The following SNX29 variants were observed in gnomAD, a reference collection of about 807,000 sequenced individuals.
SNX29 encodes sorting nexin 29, also known as sorting nexin-29.
Under a neutral mutation model 102.1 loss-of-function variants are expected in SNX29, and 78 were observed. That is an observed-to-expected ratio of 0.76 (90% CI 0.64 to 0.92). The LOEUF (loss-of-function observed/expected upper bound fraction) is 0.92. Among genes scored for constraint, SNX29 ranks in the 40% least tolerant of loss-of-function variants. The pLI, the probability that SNX29 is intolerant of heterozygous loss-of-function variation, is 0.00. For synonymous variants in SNX29, 580 were observed against 414.5 expected, an observed-to-expected ratio of 1.40 and a Z score of -4.85; for missense variants, 1,280 against 1,061.7, an observed-to-expected ratio of 1.21 and a Z score of -2.86.
At chr16:12,124,633 A>G (rs1475507542) in intron 11 of SNX29, among the ~76,000 whole-genome samples, 1 of 152,218 alleles carries the variant, frequency 6.6e-6, no homozygotes, top group East Asian at 1.9e-4. Flanking sequence ...ATTTCAGTAC[A>G]TTACAGGAGC....
At chr16:12,052,326 C>G in intron 8 of SNX29, 104 bp downstream of exon 8, 3 of 1,298,444 alleles carry the variant, frequency 2.3e-6, no homozygotes, top group Non-Finnish European at 3.2e-6. Flanking sequence ...AAGCTATTCT[C>G]CTGCCTCAGC....
chr16:12,091,342 C>T (rs1209926691), intron 11 of SNX29, among the ~76,000 whole-genome samples: 1 of 152,070 alleles, frequency 6.6e-6, no homozygotes, highest in Non-Finnish European at 1.5e-5. Flanking sequence ...TCAGGATGTC[C>T]CCTTTGCTAT....
At chr16:12,458,440 T>A (rs3862467) in intron 18 of SNX29, among the ~76,000 whole-genome samples, 2 of 152,202 alleles carry the variant, frequency 1.3e-5, no homozygotes, top group African/African-American at 4.8e-5. Context: ...TGAGTGGTCT[T>A]GCTTCTGTGG....
chr16:12,399,114 G>A (rs547640638), intron 17 of SNX29, among the ~76,000 whole-genome samples: 40 of 152,212 alleles, frequency 2.6e-4, no homozygotes, highest in Non-Finnish European at 5.0e-4. Context: ...GCAGTGGCAC[G>A]ATCTCGGCTC....
rs377262863 is a variant in SNX29, at chr16:12,458,282, A to G, written c.2038-19437A>G. On this transcript the variant is annotated intron_variant, in intron 18 of 20. Transcript: ENST00000566228. ...AGCTGACCACCATCTGCTTGGCATTATTTAAAACCTCTTAAATGCATTTCG... is the reference window on the plus strand; with the variant it reads ...AGCTGACCACCATCTGCTTGGCATTGTTTAAAACCTCTTAAATGCATTTCG... 1.5e-4 allele frequency among the ~76,000 whole-genome samples: 23 copies of G among 152,190 alleles called. No individual in the cohort carries two copies. The East Asian group carries it at 3.9e-3, about 26-fold the overall frequency.
rs1374617413 is a variant in SNX29 at position 12,425,548 on chromosome 16, AAAAAAT to A, written c.2037+22025_2037+22030del. 1.6e-3 allele frequency among the ~76,000 whole-genome samples: 244 copies of A among 149,098 alleles called. 18 individuals carry two copies. Among genetic ancestry groups the A allele is most frequent in the South Asian group, 4.6e-3 (22 of 4,790 alleles). On this transcript the variant is annotated intron_variant, in intron 18 of 20. Coordinates refer to ENST00000566228, the MANE Select transcript of SNX29 (RefSeq NM_032167.5). ...CAGAGTTAAAAAAAAAAAAAAATAA[AAAAAAT>A]AAAAAGAGGGAATAGAAAACAGAGG... is the stretch of plus-strand genomic sequence containing the variant.
intron 20 of SNX29, among the ~76,000 whole-genome samples, chr16:12,532,817 C>G (rs920843596): frequency 5.8e-4 from 88 of 152,220 alleles, no homozygotes; most frequent in African/African-American, 2.0e-3. Flanking sequence ...TGAAGACAGC[C>G]TGGTCAGCCT....
At chr16:12,221,036 A>T (rs2077462510) in intron 14 of SNX29, among the ~76,000 whole-genome samples, 3 of 152,310 alleles carry the variant, frequency 2.0e-5, no homozygotes, top group South Asian at 2.1e-4. Context: ...CTTCATTGGC[A>T]GGGGAGCAAA....
intron 9 of SNX29, among the ~76,000 whole-genome samples, chr16:12,067,655 T>G (rs568186486): frequency 6.6e-6 from 1 of 152,270 alleles, no homozygotes; most frequent in African/African-American, 2.4e-5. Flanking sequence ...GCACAGCTAA[T>G]TTTTGTATTT....
At chr16:12,109,151 A>AAG (rs1567213806) in intron 11 of SNX29, among the ~76,000 whole-genome samples, 9 of 151,430 alleles carry the variant, frequency 5.9e-5, no homozygotes, top group African/African-American at 2.2e-4. Flanking sequence ...AAAAAAAAAA[A>AAG]AAAAGAAAAG....
chr16:12,076,047 C>T (rs868704754), intron 10 of SNX29, among the ~76,000 whole-genome samples: 10 of 152,150 alleles, frequency 6.6e-5, no homozygotes, highest in Admixed American at 2.6e-4. Flanking sequence ...GGGAGTGGCC[C>T]GATATTCCAG....
At chr16:12,223,416 C>A (rs1291193867) in intron 14 of SNX29, among the ~76,000 whole-genome samples, 1 of 152,120 alleles carries the variant, frequency 6.6e-6, no homozygotes, top group Non-Finnish European at 1.5e-5. Context: ...AATCCCAGCA[C>A]TTTGGGAGGC....
At position 12,305,605 on chromosome 16, in the gene SNX29, G is replaced by C. The variant is rs2080313715; in HGVS notation, c.1782+27569G>C. 2.6e-5 allele frequency among the ~76,000 whole-genome samples: 4 copies of C among 152,106 alleles called. No homozygotes were observed. The South Asian group carries it at 8.3e-4, about 32-fold the overall frequency. ...TGTTCTCCATAGATTTATTTTTTTGGCATTAATTTTGATATTTCAAAACAT... is the reference window on the plus strand; with the variant it reads ...TGTTCTCCATAGATTTATTTTTTTGCCATTAATTTTGATATTTCAAAACAT... On this transcript the variant is annotated intron_variant, in intron 15 of 20. Coordinates refer to ENST00000566228, the MANE Select transcript of SNX29 (RefSeq NM_032167.5).
At chr16:12,354,212 G>A (rs1378870208) in intron 15 of SNX29, among the ~76,000 whole-genome samples, 1 of 152,198 alleles carries the variant, frequency 6.6e-6, no homozygotes, top group Non-Finnish European at 1.5e-5. Flanking sequence ...AATGGCTGTA[G>A]GTAGGGATAT....
intron 18 of SNX29, among the ~76,000 whole-genome samples, chr16:12,450,977 G>C (rs2086276935): frequency 6.6e-6 from 1 of 151,996 alleles, no homozygotes; most frequent in Non-Finnish European, 1.5e-5. Flanking sequence ...AAGCAGTTGA[G>C]TCAGGGACCC....
intron 13 of SNX29, chr16:12,135,682 G>A (rs957501994): frequency 8.4e-7 from 1 of 1,196,618 alleles, no homozygotes. Flanking sequence ...TCCTGAAGCT[G>A]TGTTTCCTCT....
intron 18 of SNX29, among the ~76,000 whole-genome samples, chr16:12,436,297 A>T (rs1423317712): frequency 6.6e-6 from 1 of 152,134 alleles, no homozygotes; most frequent in Non-Finnish European, 1.5e-5. Flanking sequence ...AGGAGCTCAC[A>T]GACGTTTCTA....
At chr16:12,554,127 CT>C (rs2078170928) in intron 20 of SNX29, among the ~76,000 whole-genome samples, 1 of 152,174 alleles carries the variant, frequency 6.6e-6, no homozygotes, top group Non-Finnish European at 1.5e-5. Flanking sequence ...CATGCCCAGC[CT>C]GGATGCTTTG....
At chr16:12,051,427 A>G (rs1383765371) in intron 7 of SNX29, among the ~76,000 whole-genome samples, 3 of 151,922 alleles carry the variant, frequency 2.0e-5, no homozygotes, top group East Asian at 1.9e-4. Context: ...ACAAAGATCC[A>G]TTGCAAAGGG....
Sources: allele counts gnomAD v4.1 joint callset (sites outside exome capture counted in the v4.1 genomes callset), GRCh38; gene constraint gnomAD v4.1.1; transcripts MANE v1.5; gene names NCBI Gene and HGNC (gene_info 2026-07-23, HGNC 2026-07-21).